The following DOK6 variants were observed in gnomAD, a reference collection of about 807,000 sequenced individuals.
DOK6 encodes the protein downstream of tyrosine kinase 6.
Under a neutral mutation model 44.0 loss-of-function variants are expected in DOK6, and 22 were observed. That is an observed-to-expected ratio of 0.50 (90% CI 0.36 to 0.71). DOK6 has a LOEUF of 0.71. Among genes scored for constraint, DOK6 ranks in the 30% least tolerant of loss-of-function variants. The pLI is 0.00. For synonymous variants in DOK6, 166 were observed against 145.5 expected (o/e 1.14, Z -1.01); for missense variants, 340 against 416.4 (o/e 0.82, Z 1.60).
At chr18:69,580,939 G>T (rs1185518541) in intron 2 of DOK6, among the ~76,000 whole-genome samples, 4 of 152,010 alleles carry the variant, frequency 2.6e-5, no homozygotes, top group African/African-American at 9.7e-5. Context: ...TAATCTTTCT[G>T]TACCTATCTT....
intron 1 of DOK6, among the ~76,000 whole-genome samples, chr18:69,416,732 G>A (rs192926898): frequency 6.6e-5 from 10 of 152,118 alleles, no homozygotes. Flanking sequence ...TTGTAACCTA[G>A]GCCCACCTCA....
chr18:69,783,632 T>G (rs1980343998), intron 7 of DOK6, among the ~76,000 whole-genome samples: 1 of 152,164 alleles, frequency 6.6e-6, no homozygotes, highest in Non-Finnish European at 1.5e-5. Context: ...AAGATATTTC[T>G]TTATTTTCTA....
chr18:69,827,404 A>C (rs1431221998), intron 7 of DOK6, among the ~76,000 whole-genome samples: 2 of 152,082 alleles, frequency 1.3e-5, no homozygotes, highest in East Asian at 3.8e-4. Flanking sequence ...ATGAAAGTCA[A>C]AATTTTGTTC....
At chr18:69,468,681 C>T (rs1979998018) in intron 1 of DOK6, among the ~76,000 whole-genome samples, 2 of 152,132 alleles carry the variant, frequency 1.3e-5, no homozygotes, top group African/African-American at 4.8e-5. Context: ...ATATGATACA[C>T]AATGTCATAT....
intron 7 of DOK6, among the ~76,000 whole-genome samples, chr18:69,792,419 G>T (rs922347437): frequency 2.0e-5 from 3 of 151,720 alleles, no homozygotes; most frequent in African/African-American, 7.3e-5. Flanking sequence ...TCTATTTCTT[G>T]CATCGGTGTT....
chr18:69,437,243 C>A (rs201446351), intron 1 of DOK6, among the ~76,000 whole-genome samples: 1 of 152,258 alleles, frequency 6.6e-6, no homozygotes, highest in East Asian at 1.9e-4. Context: ...TGCCTATGTC[C>A]TGAATGGTAT....
intron 2 of DOK6, among the ~76,000 whole-genome samples, chr18:69,578,945 A>G (rs1490387751): frequency 6.6e-6 from 1 of 152,148 alleles, no homozygotes; most frequent in East Asian, 1.9e-4. Context: ...TTTATATAGT[A>G]TTTTAATATT....
At chr18:69,559,027 C>G (rs769662764) in intron 1 of DOK6, among the ~76,000 whole-genome samples, 2 of 152,040 alleles carry the variant, frequency 1.3e-5, no homozygotes, top group African/African-American at 2.4e-5. Flanking sequence ...GGTAAACAGT[C>G]TATTACATAG....
chr18:69,640,073 C>T (rs939827799), intron 3 of DOK6, among the ~76,000 whole-genome samples: 3 of 152,170 alleles, frequency 2.0e-5, no homozygotes, highest in Non-Finnish European at 4.4e-5. Context: ...CATTTTATTG[C>T]ATACACAAAT....
At position 69,563,746 on chromosome 18, in the gene DOK6, A is replaced by G. The variant is rs906729527; in HGVS notation, c.67-741A>G. Reference sequence around the variant, plus strand: ...CAGCACACCAACATGGCACATGTATACATATGTAACAAACCTGCCCATTGT... The same window carrying G: ...CAGCACACCAACATGGCACATGTATGCATATGTAACAAACCTGCCCATTGT... On this transcript the variant is annotated intron_variant, in intron 1 of 7. Transcript: ENST00000382713. 2.0e-5 allele frequency among the ~76,000 whole-genome samples: 3 copies of G among 152,126 alleles called. No homozygotes were observed. The East Asian group carries it at 5.8e-4, about 30-fold the overall frequency.
chr18:69,804,781 T>C (rs995262809), intron 7 of DOK6, among the ~76,000 whole-genome samples: 5 of 152,176 alleles, frequency 3.3e-5, no homozygotes, highest in Non-Finnish European at 7.3e-5. Flanking sequence ...CAGAAAATCT[T>C]AAGTCAAATG....
chr18:69,404,658 T>C (rs183251264), intron 1 of DOK6, among the ~76,000 whole-genome samples: 220 of 152,286 alleles, frequency 1.4e-3, no homozygotes, highest in Non-Finnish European at 2.3e-3. Flanking sequence ...TCAACATGAC[T>C]ATTCACAGAC....
chr18:69,425,504 C>G (rs750943617), intron 1 of DOK6, among the ~76,000 whole-genome samples: 3 of 151,750 alleles, frequency 2.0e-5, no homozygotes, highest in Admixed American at 6.6e-5. Flanking sequence ...TCTCAATTAT[C>G]CCACAATGAT....
At chr18:69,601,061 GC>G (rs1471558496) in intron 3 of DOK6, among the ~76,000 whole-genome samples, 2 of 152,108 alleles carry the variant, frequency 1.3e-5, no homozygotes, top group Non-Finnish European at 2.9e-5. Flanking sequence ...AATAAACTAC[GC>G]TTGAGAATAT....
chr18:69,488,117 A>G (rs1327936640), intron 1 of DOK6, among the ~76,000 whole-genome samples: 1 of 152,094 alleles, frequency 6.6e-6, no homozygotes, highest in Non-Finnish European at 1.5e-5. Context: ...CATGACCACA[A>G]TCTCATAGTG....
chr18:69,638,586 A>T (rs1984865714), intron 3 of DOK6, among the ~76,000 whole-genome samples: 1 of 152,182 alleles, frequency 6.6e-6, no homozygotes, highest in Admixed American at 6.5e-5. Context: ...TGAGTCAAAG[A>T]AACTGAATAT....
At chr18:69,815,194 C>CG (rs1568134258) in intron 7 of DOK6, among the ~76,000 whole-genome samples, 1 of 151,996 alleles carries the variant, frequency 6.6e-6, no homozygotes, top group Admixed American at 6.6e-5. Context: ...GGGAGGGAGG[C>CG]GGGCCACACA....
At chr18:69,405,461 T>A (rs2122380929) in intron 1 of DOK6, among the ~76,000 whole-genome samples, 1 of 152,222 alleles carries the variant, frequency 6.6e-6, no homozygotes, top group African/African-American at 2.4e-5. Context: ...GTGCCTATAG[T>A]CCCAGCTACT....
intron 1 of DOK6, among the ~76,000 whole-genome samples, chr18:69,425,890 A>G (rs1978622956): frequency 6.6e-6 from 1 of 152,182 alleles, no homozygotes; most frequent in Non-Finnish European, 1.5e-5. Flanking sequence ...ACACTAGCAT[A>G]ATAGAGCTAG....
Sources: gnomAD v4.1 joint callset for allele counts (sites outside exome capture counted in the v4.1 genomes callset) on GRCh38, gnomAD v4.1.1 for gene constraint, MANE v1.5 for transcripts, NCBI Gene and HGNC (gene_info 2026-07-23, HGNC 2026-07-21) for gene names.